The following GGACT variants were observed in gnomAD, a reference collection of about 807,000 sequenced individuals.
The protein encoded by GGACT is gamma-glutamylaminecyclotransferase.
For synonymous variants in GGACT, 118 were observed against 115.3 expected (o/e 1.02, Z -0.15); for missense variants, 241 against 233.2 (o/e 1.03, Z -0.22).
chr13:100,558,874 TCA>T (rs1360421903), intron 2 of GGACT, among the ~76,000 whole-genome samples: 1 of 152,024 alleles, frequency 6.6e-6, no homozygotes, highest in Admixed American at 6.6e-5. Context: ...GAGCACACAT[TCA>T]CAGTTAGATG....
chr13:100,565,679 T>C (rs2088804806), intron 2 of GGACT, among the ~76,000 whole-genome samples: 1 of 152,120 alleles, frequency 6.6e-6, no homozygotes, highest in African/African-American at 2.4e-5. Flanking sequence ...CTCTCCCAAA[T>C]AGTTTCACTG....
chr13:100,581,789 C>T (rs914426734), intron 2 of GGACT, among the ~76,000 whole-genome samples: 8 of 152,190 alleles, frequency 5.3e-5, no homozygotes, highest in African/African-American at 1.9e-4. Context: ...AGAGAGAAGT[C>T]ATGTAGACAG....
intron 2 of GGACT, among the ~76,000 whole-genome samples, chr13:100,570,425 C>A (rs1043753926): frequency 6.6e-6 from 1 of 152,110 alleles, no homozygotes; most frequent in East Asian, 1.9e-4. Flanking sequence ...AAGGGGGAAG[C>A]CCCTTATAAA....
intron 2 of GGACT, chr13:100,539,738 A>G: frequency 1.6e-6 from 1 of 616,176 alleles, no homozygotes; most frequent in East Asian, 2.7e-5. Flanking sequence ...TTCATTCTTT[A>G]GAAGAGTTTC....
intron 2 of GGACT, chr13:100,538,189 AGGAACT>A (rs1199133738): frequency 1.6e-4 from 24 of 152,262 alleles, no homozygotes; most frequent in African/African-American, 5.3e-4. Context: ...AGGCAGCAGC[AGGAACT>A]GAGCCTGGGC....
chr13:100,552,826 T>C (rs1334981408), intron 2 of GGACT, among the ~76,000 whole-genome samples: 3 of 152,024 alleles, frequency 2.0e-5, no homozygotes, highest in African/African-American at 7.2e-5. Context: ...CCTGGTGGGG[T>C]GGCAGAGATG....
chr13:100,554,063 T>A (rs1017040204), intron 2 of GGACT, among the ~76,000 whole-genome samples: 4 of 152,164 alleles, frequency 2.6e-5, no homozygotes, highest in Non-Finnish European at 5.9e-5. Flanking sequence ...CATAATTAAT[T>A]ACTACATATA....
At position 100,534,609 on chromosome 13, in the gene GGACT, T is replaced by C. The variant is rs932048479; in HGVS notation, c.-10-2008A>G. 2.5e-4 allele frequency among the ~76,000 whole-genome samples: 38 copies of C among 152,220 alleles called. No homozygotes were observed. Among genetic ancestry groups the C allele is most frequent in the African/African-American group, 8.9e-4 (37 of 41,522 alleles). On this transcript the variant is annotated intron_variant, in intron 2 of 2. Transcript: ENST00000683975. This position sits in a 1 kb window ranked among gnomAD's most constrained non-coding sequence, Gnocchi z 4.9. ...AAGACGAGCACCTGGGGGGCGATGA[T>C]GGTTTGGATCCTGCTGTGCAGCTGC...
chr13:100,565,688 T>G (rs1203426228), intron 2 of GGACT, among the ~76,000 whole-genome samples: 1 of 152,162 alleles, frequency 6.6e-6, no homozygotes, highest in Non-Finnish European at 1.5e-5. Context: ...ATAGTTTCAC[T>G]GCTGCTCCCC....
chr13:100,542,375 C>T (rs1320938148), intron 2 of GGACT, among the ~76,000 whole-genome samples: 2 of 152,216 alleles, frequency 1.3e-5, no homozygotes, highest in Non-Finnish European at 2.9e-5. Context: ...TGGCCTTACT[C>T]TTAACAGATC....
Position 100,582,623 on chromosome 13 carries a change from T to C in GGACT, c.-11+1202A>G, listed in dbSNP as rs1213474912. Among the ~76,000 whole-genome samples, 4 of 152,134 alleles carry C rather than the reference T, an allele frequency of 2.6e-5. No homozygotes were observed. In the South Asian group the frequency reaches 8.3e-4, roughly 32 times the overall value. On this transcript the variant is annotated intron_variant, in intron 2 of 2. Transcript: ENST00000683975. ...AAAGCAGGGTCAGAGAAGGGTAATATTGTTAGCTTTGAATATGGAGGAAAG... is the reference window on the plus strand; with the variant it reads ...AAAGCAGGGTCAGAGAAGGGTAATACTGTTAGCTTTGAATATGGAGGAAAG...
At chr13:100,583,442 T>C (rs1452247026) in intron 2 of GGACT, among the ~76,000 whole-genome samples, 4 of 152,242 alleles carry the variant, frequency 2.6e-5, no homozygotes, top group African/African-American at 9.6e-5. Context: ...ATAATTCTTA[T>C]AAATCAAAAG....
At chr13:100,553,984 A>G (rs2088690777) in intron 2 of GGACT, among the ~76,000 whole-genome samples, 1 of 152,234 alleles carries the variant, frequency 6.6e-6, no homozygotes, top group Non-Finnish European at 1.5e-5. Context: ...TTAAAAACAA[A>G]GATTAACAGT....
At chr13:100,567,554 A>G (rs1874933774) in intron 2 of GGACT, among the ~76,000 whole-genome samples, 1 of 152,230 alleles carries the variant, frequency 6.6e-6, no homozygotes, top group East Asian at 1.9e-4. Context: ...AATGGTATTT[A>G]GATGCCAAGA....
intron 2 of GGACT, among the ~76,000 whole-genome samples, chr13:100,544,856 A>T (rs1488130125): frequency 6.6e-6 from 1 of 152,252 alleles, no homozygotes; most frequent in African/African-American, 2.4e-5. Flanking sequence ...TATGGAAAGG[A>T]ATCACTGGAA....
chr13:100,572,238 C>G (rs1875106547), intron 2 of GGACT, among the ~76,000 whole-genome samples: 1 of 152,176 alleles, frequency 6.6e-6, no homozygotes, highest in South Asian at 2.1e-4. Flanking sequence ...AATTCTGACC[C>G]ATCCTACAAC....
chr13:100,577,645 G>T (rs1875291803), intron 2 of GGACT, among the ~76,000 whole-genome samples: 1 of 152,104 alleles, frequency 6.6e-6, no homozygotes, highest in Admixed American at 6.5e-5. Flanking sequence ...AAACACAAAG[G>T]GAGGAGGGCA....
Position 100,559,585 on chromosome 13 carries a change from C to T in GGACT, c.-11+24240G>A, listed in dbSNP as rs188680688. ...TCTCGGCTCACTGCAACCTCTGCCT[C>T]CTGGGTTCAAGCAATTCTCCTGCCT... On this transcript the variant is annotated intron_variant, in intron 2 of 2. Transcript: ENST00000683975. Among the ~76,000 whole-genome samples, 494 of 152,150 alleles carry T rather than the reference C, an allele frequency of 3.2e-3. 4 individuals are homozygous for T. The highest frequency in any genetic ancestry group is 0.011 in the African/African-American group (469 of 41,510).
rs193205382 is a variant in GGACT, at chr13:100,534,192, C to T, written c.-10-1591G>A. The stretch of plus-strand genomic sequence containing the variant: ...CGTCTGCTGCCTCTTGGTTCTATCA[C>T]CAGCCTGTGCAACAACAGTATTCCC... On this transcript the variant is annotated intron_variant, in intron 2 of 2. Coordinates refer to ENST00000683975, the MANE Select transcript of GGACT (RefSeq NM_001195087.2). This position sits in a 1 kb window ranked among gnomAD's most constrained non-coding sequence, Gnocchi z 4.9. Among the ~76,000 whole-genome samples the T allele has an allele frequency of 6.6e-6, 1 of 152,340 alleles. No individual in the cohort carries two copies. Among genetic ancestry groups the T allele is most frequent in the East Asian group, 1.9e-4 (1 of 5,180 alleles).
Sources: gnomAD v4.1 joint callset for allele counts (sites outside exome capture counted in the v4.1 genomes callset) on GRCh38, gnomAD v4.1.1 for gene constraint, Gnocchi (gnomAD v3.1) non-coding constraint, MANE v1.5 for transcripts, NCBI Gene and HGNC (gene_info 2026-07-23, HGNC 2026-07-21) for gene names.